The following ADD1 variants were observed in gnomAD, a reference collection of about 807,000 sequenced individuals.
ADD1 encodes alpha-adducin.
A neutral mutation model predicts 80.5 loss-of-function variants in ADD1; 24 were observed. The observed-to-expected ratio is 0.30, with a 90% CI of 0.22 to 0.42. ADD1 has a LOEUF of 0.42. Ranked by LOEUF, ADD1 falls within the 10% of genes least tolerant of loss-of-function variation. The pLI, the probability that ADD1 is intolerant of heterozygous loss-of-function variation, is 1.00. For missense variants in ADD1, 948 were observed against 1,019.0 expected, an observed-to-expected ratio of 0.93 and a Z score of 0.95; for synonymous variants, 373 against 393.8, an observed-to-expected ratio of 0.95 and a Z score of 0.63.
At chr4:2,875,608 T>G (rs1174914775) in intron 1 of ADD1, among the ~76,000 whole-genome samples, 2 of 152,228 alleles carry the variant, frequency 1.3e-5, no homozygotes, top group Non-Finnish European at 2.9e-5. Flanking sequence ...TTAGTTCTTT[T>G]TGGATTTGTC....
intron 1 of ADD1, among the ~76,000 whole-genome samples, chr4:2,852,623 G>A (rs1352263214): frequency 2.0e-5 from 3 of 151,296 alleles, no homozygotes; most frequent in African/African-American, 4.9e-5. Context: ...CTGACCTAGG[G>A]TGTCTGCAGC....
chr4:2,911,638 T>A (rs1738076453), intron 13 of ADD1, among the ~76,000 whole-genome samples: 1 of 151,858 alleles, frequency 6.6e-6, no homozygotes. Flanking sequence ...TATTTTTTTG[T>A]AGAGACTGGG....
chr4:2,888,123 A>ATG (rs1450539311), intron 4 of ADD1, among the ~76,000 whole-genome samples: 1 of 148,872 alleles, frequency 6.7e-6, no homozygotes, highest in Non-Finnish European at 1.5e-5. Context: ...GCAGTGGTGG[A>ATG]ATCTCGGCTC....
At chr4:2,879,187 A>G (rs757522650) in intron 2 of ADD1, among the ~76,000 whole-genome samples, 13 of 152,196 alleles carry the variant, frequency 8.5e-5, no homozygotes, top group Non-Finnish European at 1.6e-4. Flanking sequence ...GGCTAGTGAC[A>G]GCTGGCTGGA....
chr4:2,914,469 C>T (rs574758183), intron 13 of ADD1, among the ~76,000 whole-genome samples: 10 of 152,338 alleles, frequency 6.6e-5, no homozygotes, highest in African/African-American at 2.2e-4. Flanking sequence ...GCATGCCTTA[C>T]GCTGAGTGCT....
In ADD1 at chr4:2,874,617, A is replaced by G. The variant is rs186405081; in HGVS notation, c.-20-1279A>G. Among the ~76,000 whole-genome samples, 109 of 152,164 alleles carry G rather than the reference A, an allele frequency of 7.2e-4. 2 individuals carry two copies. The East Asian group carries it at 0.019, about 26-fold the overall frequency. ...GTGAGACTGTCTCAAAAAAAAAAAA[A>G]AAGAAAGAAATACTGCCACTTTAAG... On this transcript the variant is annotated intron_variant, in intron 1 of 15. Transcript: ENST00000683351.
At position 2,907,747 on chromosome 4, in the gene ADD1, C is replaced by T; in HGVS notation, c.1511C>T (p.Thr504Ile). The part of the protein sequence containing the change: ...VPSCITNCLW[T>I]KEDGHRTSTS... ...CAACTGTTCTTGATATTACAGTGGA[C>T]TAAAGAGGATGGACATAGAACTTCC... Residue 504 changes from threonine (T) to isoleucine (I), a missense_variant, in exon 11 of 16, where the codon ACT becomes ATT. By Grantham distance (89) the Thr-to-Ile change is moderately conservative (BLOSUM62 -1). Transcript: ENST00000683351. The T allele has an allele frequency of 6.2e-7, 1 of 1,613,666 alleles. No individual in the cohort carries two copies. The highest frequency in any genetic ancestry group is 1.1e-5 in the South Asian group (1 of 91,078).
chr4:2,863,108 G>A (rs1208620966), intron 1 of ADD1, among the ~76,000 whole-genome samples: 2 of 152,012 alleles, frequency 1.3e-5, no homozygotes, highest in African/African-American at 4.8e-5. Flanking sequence ...AGAGTGCAGT[G>A]GGATGGTCAT....
chr4:2,916,524 C>G (rs962431191), intron 14 of ADD1, among the ~76,000 whole-genome samples: 2 of 152,026 alleles, frequency 1.3e-5, no homozygotes, highest in Non-Finnish European at 2.9e-5. Context: ...ACTTTTGTCT[C>G]TCTCTCTCTT....
At chr4:2,900,252 G>T (rs1283012267) in intron 9 of ADD1, 1 of 152,564 alleles carries the variant, frequency 6.6e-6, no homozygotes, top group Non-Finnish European at 1.5e-5. Flanking sequence ...GACTTTACCA[G>T]GATCATTAAA....
chr4:2,906,305 CT>C (rs1248511789), intron 10 of ADD1, among the ~76,000 whole-genome samples: 24 of 152,018 alleles, frequency 1.6e-4, no homozygotes, highest in Admixed American at 1.4e-3. Context: ...TCCTTGTCTT[CT>C]TTCCCCCCTT....
At chr4:2,849,861 G>A (rs1347612146) in intron 1 of ADD1, among the ~76,000 whole-genome samples, 1 of 152,090 alleles carries the variant, frequency 6.6e-6, no homozygotes, top group Non-Finnish European at 1.5e-5. Flanking sequence ...TAGTTGAGTG[G>A]GTGAGAAAGT....
At chr4:2,860,444 A>C (rs1168754962) in intron 1 of ADD1, among the ~76,000 whole-genome samples, 1 of 152,238 alleles carries the variant, frequency 6.6e-6, no homozygotes, top group Non-Finnish European at 1.5e-5. Context: ...CTGTACTCCA[A>C]GGGTCTCTTC....
In ADD1 at chr4:2,881,997, A is replaced by T. The variant is rs769374673; in HGVS notation, c.295A>T (p.Thr99Ser). The T allele has an allele frequency of 2.5e-6, 4 of 1,613,184 alleles. No homozygotes were observed. The highest frequency in any genetic ancestry group is 3.4e-6 in the Non-Finnish European group (4 of 1,179,818). Reference sequence around the variant, plus strand: ...ATTACAGCAGATTGCAGATTTTATGACCACGAATGTACCAAATGTCTACCC... The same window carrying T: ...ATTACAGCAGATTGCAGATTTTATGTCCACGAATGTACCAAATGTCTACCC... ...LALQQIADFM[T>S]TNVPNVYPAA... Residue 99 changes from threonine to serine, a missense_variant, in exon 3 of 16, where the codon ACC (threonine) becomes TCC (serine). Coordinates refer to ENST00000683351, the MANE Select transcript of ADD1 (RefSeq NM_001354761.2).
chr4:2,928,079 T>C (rs1329473994), intron 15 of ADD1, 92 bp from the exon 16 acceptor site: 3 of 1,099,294 alleles, frequency 2.7e-6, no homozygotes, highest in East Asian at 2.4e-5. Flanking sequence ...TAAAATAAAA[T>C]GGCAGTTTCG....
chr4:2,880,188 A>G (rs1031760107), intron 2 of ADD1, among the ~76,000 whole-genome samples: 1 of 152,140 alleles, frequency 6.6e-6, no homozygotes, highest in African/African-American at 2.4e-5. Flanking sequence ...ATGATCTGCA[A>G]CATTATTTGC....
chr4:2,851,895 G>A lies in ADD1; in HGVS notation c.-21+7871G>A, dbSNP rs2005451. Among the ~76,000 whole-genome samples, 3 of 151,752 alleles carry A rather than the reference G, an allele frequency of 2.0e-5. No homozygotes were observed. The South Asian group carries it at 6.3e-4, about 32-fold the overall frequency. ...TCGCTCTTGTTGCCCAGGCTGGAGC[G>A]CAATGGCTCGATCTCGGCTCACCGC... On this transcript the variant is annotated intron_variant, in intron 1 of 15. Transcript: ENST00000683351.
Position 2,907,754 on chromosome 4 carries a change from G to A in ADD1, c.1518G>A (p.Glu506=). The change falls in exon 11 of 16, where the codon GAG becomes GAA. Residue 506 remains glutamate, a synonymous_variant. Transcript: ENST00000683351. The stretch of plus-strand genomic sequence containing the variant: ...TCTTGATATTACAGTGGACTAAAGA[G>A]GATGGACATAGAACTTCCACCTCTG... ...SCITNCLWTK[E]DGHRTSTSAV... 6.2e-7 allele frequency: 1 copy of A among 1,613,908 alleles called. No individual in the cohort carries two copies. Among genetic ancestry groups the A allele is most frequent in the Non-Finnish European group, 8.5e-7 (1 of 1,179,846 alleles).
intron 12 of ADD1, 72 bp downstream of exon 12, chr4:2,908,676 A>T (rs1416061460): frequency 1.6e-5 from 20 of 1,281,908 alleles, no homozygotes; most frequent in Non-Finnish European, 2.1e-5. Context: ...GTTATTCTGA[A>T]ATTGAGAGAG....
Sources: gnomAD v4.1 joint callset for allele counts (sites outside exome capture counted in the v4.1 genomes callset) on GRCh38, gnomAD v4.1.1 for gene constraint, MANE v1.5 for transcripts, NCBI Gene and HGNC (gene_info 2026-07-23, HGNC 2026-07-21) for gene names.